Variants in SHISA9 observed in about 807,000 individuals in gnomAD.
SHISA9 encodes the protein shisa family member 9, also known as protein shisa-9.
A neutral mutation model predicts 38.0 loss-of-function variants in SHISA9; 13 were observed. That is an observed-to-expected ratio of 0.34 (90% confidence interval 0.22 to 0.54). The LOEUF (loss-of-function observed/expected upper bound fraction) is 0.54, where lower values mean the gene tolerates loss of function less well. Ranked by LOEUF, SHISA9 falls within the 20% of genes least tolerant of loss-of-function variation. The pLI is 0.91. For missense variants in SHISA9, 538 were observed against 575.8 expected (o/e 0.93, Z 0.67); for synonymous variants, 275 against 242.0 (o/e 1.14, Z -1.27).
At chr16:12,960,922 G>C (rs756827958) in intron 2 of SHISA9, among the ~76,000 whole-genome samples, 10 of 152,002 alleles carry the variant, frequency 6.6e-5, no homozygotes, top group Non-Finnish European at 1.3e-4. Context: ...AAGTGAACAC[G>C]TTTCCTGCTC....
At chr16:12,942,300 A>G (rs995055144) in intron 2 of SHISA9, among the ~76,000 whole-genome samples, 5 of 152,234 alleles carry the variant, frequency 3.3e-5, no homozygotes, top group African/African-American at 1.2e-4. Context: ...TGAGAGGGAA[A>G]GGGCAGAAAT....
chr16:13,387,633 G>A, the SHISA9 span, among the ~76,000 whole-genome samples: 6 of 152,130 alleles, frequency 3.9e-5, no homozygotes, highest in African/African-American at 1.4e-4. Context: ...GGGATTACAG[G>A]CACGTGCCAC....
At position 13,238,482 on chromosome 16, in the gene SHISA9, G is replaced by T. The variant is rs1370058167; in HGVS notation, c.*3073G>T. The T allele has an allele frequency of 6.6e-6, 1 of 152,144 alleles. No homozygotes were observed. Among genetic ancestry groups the T allele is most frequent in the African/African-American group, 2.4e-5 (1 of 41,426 alleles). The allele number at this position is 152,144 out of a possible 1,614,324, so 9.4% of individuals were successfully genotyped here. ...TTCGTCCCACCCTTATCTCAACTCT[G>T]ATTAAGAGTCTTTCTTGGCCTCTAA... On this transcript the variant is annotated 3_prime_UTR_variant, in exon 5 of 5. Transcript: ENST00000558583.
the SHISA9 span, among the ~76,000 whole-genome samples, chr16:13,498,131 A>C: frequency 6.6e-6 from 1 of 152,194 alleles, no homozygotes; most frequent in Non-Finnish European, 1.5e-5. Context: ...GGAAAATATT[A>C]ACATTCAGCA....
At chr16:12,988,675 C>G (rs2072345003) in intron 2 of SHISA9, among the ~76,000 whole-genome samples, 1 of 151,968 alleles carries the variant, frequency 6.6e-6, no homozygotes, top group Admixed American at 6.6e-5. Context: ...TAGGCGCCCC[C>G]CAACCATGCC....
chr16:13,213,422 G>T, intron 4 of SHISA9, 122 bp downstream of exon 4: 1 of 836,126 alleles, frequency 1.2e-6, no homozygotes, highest in Non-Finnish European at 1.9e-6. Flanking sequence ...GCATAGGGTG[G>T]CATCTGCAAG....
intron 1 of SHISA9, chr16:12,908,503 G>A (rs1354045955): frequency 2.4e-5 from 37 of 1,552,014 alleles, no homozygotes; most frequent in Middle Eastern, 1.7e-4. Flanking sequence ...TGCTGTTTAT[G>A]GAGGCACAGA....
chr16:12,912,732 A>G (rs2071202351), intron 1 of SHISA9, among the ~76,000 whole-genome samples: 1 of 152,114 alleles, frequency 6.6e-6, no homozygotes. Flanking sequence ...TCAGGATTGC[A>G]TCTCCTCCCA....
the SHISA9 span, among the ~76,000 whole-genome samples, chr16:13,281,696 C>T: frequency 6.6e-6 from 1 of 151,350 alleles, no homozygotes; most frequent in East Asian, 1.9e-4. Flanking sequence ...AATATATCTT[C>T]TTTGTAAACC....
At chr16:13,158,308 T>C (rs771028057) in intron 2 of SHISA9, among the ~76,000 whole-genome samples, 2 of 152,162 alleles carry the variant, frequency 1.3e-5, no homozygotes, top group Non-Finnish European at 2.9e-5. Context: ...AGTTCTTAGT[T>C]GCAAGCAAAA....
At chr16:12,906,957 A>G (rs1077970) in intron 1 of SHISA9, among the ~76,000 whole-genome samples, 77,832 of 151,856 alleles carry the variant, frequency 0.51, 20,217 homozygotes, top group Non-Finnish European at 0.54. Context: ...AGATTGAACA[A>G]TTATTAGTAT....
intron 2 of SHISA9, among the ~76,000 whole-genome samples, chr16:13,080,367 C>T (rs1050112945): frequency 5.3e-5 from 8 of 152,010 alleles, no homozygotes; most frequent in Middle Eastern, 3.2e-3. Context: ...AGTGAGACTC[C>T]GTCTCAAAAA....
intron 2 of SHISA9, among the ~76,000 whole-genome samples, chr16:12,953,076 AAAGG>A (rs2071780748): frequency 6.6e-6 from 1 of 152,174 alleles, no homozygotes. Context: ...AAAGAAGGAC[AAAGG>A]AATAGAAGGT....
At chr16:13,147,716 C>G (rs371730546) in intron 2 of SHISA9, among the ~76,000 whole-genome samples, 2 of 152,202 alleles carry the variant, frequency 1.3e-5, no homozygotes, top group East Asian at 3.9e-4. Context: ...CCTGCCTTGG[C>G]CTCCCAAAGT....
chr16:13,518,216 G>C, the SHISA9 span, among the ~76,000 whole-genome samples: 4 of 151,850 alleles, frequency 2.6e-5, no homozygotes, highest in Admixed American at 6.6e-5. Context: ...CAACACCTAA[G>C]GCAAACTTCC....
intron 2 of SHISA9, among the ~76,000 whole-genome samples, chr16:12,946,190 A>C (rs928430634): frequency 1.3e-5 from 2 of 152,100 alleles, no homozygotes; most frequent in African/African-American, 4.8e-5. Context: ...GTTGTTTTCC[A>C]TTGGTCTATA....
intron 2 of SHISA9, among the ~76,000 whole-genome samples, chr16:13,005,483 T>G (rs1034656152): frequency 2.0e-5 from 3 of 152,194 alleles, no homozygotes; most frequent in Non-Finnish European, 4.4e-5. Context: ...TTAAGTAATT[T>G]GCTCAAGGTC....
the SHISA9 span, among the ~76,000 whole-genome samples, chr16:13,434,574 A>C: frequency 4.4e-4 from 66 of 151,644 alleles, no homozygotes; most frequent in African/African-American, 1.3e-3. Context: ...CCCGCCACCA[A>C]GCCCAGCTAA....
the SHISA9 span, among the ~76,000 whole-genome samples, chr16:13,389,426 C>A: frequency 9.9e-5 from 15 of 152,094 alleles, no homozygotes; most frequent in Admixed American, 9.2e-4. Context: ...AGATAGTAAT[C>A]TATTGTTCAT....
Sources: allele counts gnomAD v4.1 joint callset (sites outside exome capture counted in the v4.1 genomes callset), GRCh38; gene constraint gnomAD v4.1.1; transcripts MANE v1.5; gene names NCBI Gene and HGNC (gene_info 2026-07-23, HGNC 2026-07-21).